Variants in CDC14A observed in about 807,000 individuals in gnomAD.
CDC14A encodes the protein dual specificity protein phosphatase CDC14A.
Under a neutral mutation model 74.4 loss-of-function variants are expected in CDC14A, and 53 were observed. The ratio of observed to expected loss-of-function variants is 0.71; its 90% CI spans 0.57 to 0.89. The LOEUF (loss-of-function observed/expected upper bound fraction) is 0.89, where lower values mean the gene tolerates loss of function less well. Among genes scored for constraint, CDC14A ranks in the 40% least tolerant of loss-of-function variants. The pLI, the probability that CDC14A is intolerant of heterozygous loss-of-function variation, is 0.00. For missense variants in CDC14A, 646 were observed against 713.7 expected (o/e 0.91, Z 1.08); for synonymous variants, 247 against 258.4 (o/e 0.96, Z 0.43).
intron 2 of CDC14A, among the ~76,000 whole-genome samples, chr1:100,367,891 G>T (rs1653880107): frequency 6.6e-6 from 1 of 152,142 alleles, no homozygotes; most frequent in Non-Finnish European, 1.5e-5. Flanking sequence ...TCTTTGGATA[G>T]CAGCCTACTC....
At chr1:100,484,200 C>G (rs572037994) in intron 10 of CDC14A, 92 bp from the exon 11 acceptor site, 1 of 619,402 alleles carries the variant, frequency 1.6e-6, no homozygotes, top group South Asian at 3.4e-5. Flanking sequence ...TAAATCTTTT[C>G]CTTTATAAGA....
chr1:100,485,384 GA>G, intron 11 of CDC14A: 1 of 865,820 alleles, frequency 1.2e-6, no homozygotes, highest in Non-Finnish European at 1.4e-6. Context: ...AAAAAGAAAA[GA>G]AAAAAAGGAC....
intron 15 of CDC14A, among the ~76,000 whole-genome samples, chr1:100,509,834 T>C (rs936058167): frequency 2.0e-5 from 3 of 152,258 alleles, no homozygotes; most frequent in Admixed American, 1.3e-4. Context: ...TTGGGCAGAC[T>C]GTTGTGAGTC....
chr1:100,353,588 G>C (rs1479085489), intron 1 of CDC14A, among the ~76,000 whole-genome samples, 174 bp from the exon 2 acceptor site: 1 of 152,198 alleles, frequency 6.6e-6, no homozygotes, highest in Non-Finnish European at 1.5e-5. Flanking sequence ...TCCTCCTCTT[G>C]CCTAACTGTT....
chr1:100,474,771 C>A (rs1172448452), intron 10 of CDC14A, among the ~76,000 whole-genome samples: 1 of 151,202 alleles, frequency 6.6e-6, no homozygotes, highest in East Asian at 1.9e-4. Flanking sequence ...CTCTTTGTTT[C>A]ATTAATTTTC....
chr1:100,391,985 A>G (rs1208934095), intron 4 of CDC14A, among the ~76,000 whole-genome samples: 1 of 152,232 alleles, frequency 6.6e-6, no homozygotes, highest in Non-Finnish European at 1.5e-5. Flanking sequence ...AATAGTGTCT[A>G]AGAGTCAGAA....
chr1:100,475,612 T>G (rs1186628304), intron 10 of CDC14A, among the ~76,000 whole-genome samples: 2 of 152,062 alleles, frequency 1.3e-5, no homozygotes, highest in African/African-American at 4.8e-5. Flanking sequence ...GGAATCTGGA[T>G]TCTGTACTCA....
intron 8 of CDC14A, among the ~76,000 whole-genome samples, chr1:100,458,205 A>T (rs985935010): frequency 6.6e-6 from 1 of 152,236 alleles, no homozygotes; most frequent in South Asian, 2.1e-4. Flanking sequence ...GTCCAGGTTC[A>T]TAGGCCAGTA....
chr1:100,499,220 G>T lies in CDC14A; in HGVS notation c.1713G>T (p.Gly571=), dbSNP rs747353090. Residue 571 remains glycine, a synonymous_variant, in exon 15 of 16, where the codon GGG becomes GGT. Coordinates refer to ENST00000336454, the MANE Select transcript of CDC14A (RefSeq NM_003672.4). ...CCATCCTCCGACCCTCCTACACCGG[G>T]CTTTCTTCTTCTTCAGCGAGATTCC... ...HTTILRPSYT[G]LSSSSARFLS... 1.2e-6 allele frequency: 2 copies of T among 1,614,016 alleles called. No homozygotes were observed. The highest frequency in any genetic ancestry group is 8.5e-7 in the Non-Finnish European group (1 of 1,180,040).
At chr1:100,362,220 G>C (rs1320217228) in intron 2 of CDC14A, among the ~76,000 whole-genome samples, 1 of 152,194 alleles carries the variant, frequency 6.6e-6, no homozygotes, top group Non-Finnish European at 1.5e-5. Context: ...GGGGAGGTAA[G>C]TGGCACAACT....
intron 15 of CDC14A, among the ~76,000 whole-genome samples, chr1:100,502,215 T>G (rs959308791): frequency 6.6e-6 from 1 of 152,224 alleles, no homozygotes; most frequent in Admixed American, 6.5e-5. Context: ...TAGGCCTTCA[T>G]GTTCACTCAC....
chr1:100,482,919 G>C (rs1022307899), intron 10 of CDC14A, among the ~76,000 whole-genome samples: 1 of 151,934 alleles, frequency 6.6e-6, no homozygotes, highest in Non-Finnish European at 1.5e-5. Flanking sequence ...TAAATGACAT[G>C]GTCTTATTCT....
chr1:100,420,955 AG>A (rs1662293459), intron 4 of CDC14A, among the ~76,000 whole-genome samples: 3 of 152,186 alleles, frequency 2.0e-5, no homozygotes, highest in African/African-American at 7.2e-5. Context: ...AACAGAAAAA[AG>A]TCACTTTAAT....
chr1:100,395,132 CTAA>C (rs1232170250), intron 4 of CDC14A, among the ~76,000 whole-genome samples: 1 of 152,168 alleles, frequency 6.6e-6, no homozygotes, highest in Non-Finnish European at 1.5e-5. Flanking sequence ...CATTGACTGA[CTAA>C]TAAAAGTATT....
intron 10 of CDC14A, among the ~76,000 whole-genome samples, chr1:100,476,675 C>T (rs1254490888): frequency 2.0e-5 from 3 of 150,742 alleles, no homozygotes; most frequent in South Asian, 4.3e-4. Context: ...GGGAAAAGTA[C>T]ATCTACTTTA....
chr1:100,375,800 G>A (rs9661236), intron 2 of CDC14A, among the ~76,000 whole-genome samples: 44,703 of 151,994 alleles, frequency 0.29, 9,300 homozygotes, highest in African/African-American at 0.59. Context: ...ATTACTGGGT[G>A]TATACCCAAA....
intron 9 of CDC14A, among the ~76,000 whole-genome samples, chr1:100,466,515 A>T (rs1233135237): frequency 6.6e-6 from 1 of 152,188 alleles, no homozygotes; most frequent in East Asian, 1.9e-4. Flanking sequence ...GGGTTCCTTC[A>T]GATTAAAACA....
chr1:100,491,125 C>T (rs1386068364), intron 11 of CDC14A, among the ~76,000 whole-genome samples: 1 of 151,828 alleles, frequency 6.6e-6, no homozygotes, highest in South Asian at 2.1e-4. Context: ...CCTAGGCTAT[C>T]GGTTAAATAA....
Position 100,377,577 on chromosome 1 carries a change from G to A in CDC14A, c.172G>A (p.Ala58Thr), listed in dbSNP as rs765319795. The change falls in exon 3 of 16, where the codon GCA (alanine) becomes ACA (threonine). Residue 58 changes from alanine to threonine, a missense_variant. By Grantham distance (58) the Ala-to-Thr change is moderately conservative (BLOSUM62 0). Coordinates refer to ENST00000336454, the MANE Select transcript of CDC14A (RefSeq NM_003672.4). ...TGCAGATTTTGGACCGCTGAACTTG[G>A]CAATGGTGTACAGATATTGCTGCAA... is the stretch of plus-strand genomic sequence containing the variant. ...FYADFGPLNL[A>T]MVYRYCCKLN... 8 of 1,613,560 alleles carry A rather than the reference G, an allele frequency of 5.0e-6. No individual in the cohort carries two copies. Among genetic ancestry groups the A allele is most frequent in the Non-Finnish European group, 5.9e-6 (7 of 1,179,686 alleles).
Sources: allele counts gnomAD v4.1 joint callset (sites outside exome capture counted in the v4.1 genomes callset), GRCh38; gene constraint gnomAD v4.1.1; transcripts MANE v1.5; gene names NCBI Gene and HGNC (gene_info 2026-07-23, HGNC 2026-07-21).